Variants in RAPGEF6 observed in about 807,000 individuals in gnomAD.
RAPGEF6 encodes Rap guanine nucleotide exchange factor 6, also known as PDZ domain containing guanine nucleotide exchange factor (GEF) 2.
A neutral mutation model predicts 171.4 loss-of-function variants in RAPGEF6; 56 were observed. That is an observed-to-expected ratio of 0.33 (90% CI 0.26 to 0.41). RAPGEF6 has a LOEUF of 0.41. Among genes scored for constraint, RAPGEF6 ranks in the 10% least tolerant of loss-of-function variants. The pLI, the probability that RAPGEF6 is intolerant of heterozygous loss-of-function variation, is 1.00. For synonymous variants in RAPGEF6, 692 were observed against 650.1 expected, an observed-to-expected ratio of 1.06 and a Z score of -0.98; for missense variants, 1,674 against 1,921.4, an observed-to-expected ratio of 0.87 and a Z score of 2.41.
chr5:131,477,999 G>A (rs1369990796), intron 16 of RAPGEF6, among the ~76,000 whole-genome samples: 1 of 152,110 alleles, frequency 6.6e-6, no homozygotes, highest in Non-Finnish European at 1.5e-5. Flanking sequence ...CCCCATTTGT[G>A]AGACCATGCC....
intron 16 of RAPGEF6, among the ~76,000 whole-genome samples, chr5:131,476,154 T>C (rs1755075339): frequency 6.6e-6 from 1 of 152,268 alleles, no homozygotes. Context: ...GTAGAATTTA[T>C]TTAACCAATC....
At chr5:131,554,151 T>C (rs1485430791) in intron 5 of RAPGEF6, among the ~76,000 whole-genome samples, 2 of 152,194 alleles carry the variant, frequency 1.3e-5, no homozygotes, top group Non-Finnish European at 2.9e-5. Context: ...AAATAGAATG[T>C]ATTAATTGTG....
chr5:131,572,350 A>T lies in RAPGEF6; in HGVS notation c.282-10303T>A, dbSNP rs576166707. On this transcript the variant is annotated intron_variant, in intron 4 of 27. Coordinates refer to ENST00000509018, the MANE Select transcript of RAPGEF6 (RefSeq NM_016340.6). ...CGGGTAAGCGGTTTTTTCGCTCTCT[A>T]CCTAACCTCTCTCGCCTCCCTTCAA... Among the ~76,000 whole-genome samples the T allele has an allele frequency of 2.0e-5, 3 of 152,044 alleles. No individual in the cohort carries two copies. The South Asian group carries it at 6.3e-4, about 32-fold the overall frequency.
chr5:131,585,116 T>A (rs1763168673), intron 4 of RAPGEF6, among the ~76,000 whole-genome samples: 1 of 152,202 alleles, frequency 6.6e-6, no homozygotes, highest in South Asian at 2.1e-4. Context: ...CATATGTGGA[T>A]ATTTGATTTA....
intron 1 of RAPGEF6, 72 bp downstream of exon 1, chr5:131,634,890 G>A: frequency 6.4e-7 from 1 of 1,557,322 alleles, no homozygotes; most frequent in Non-Finnish European, 8.9e-7. Flanking sequence ...GGCAGTCGCC[G>A]CGGATTTCGG....
rs751703801 is a variant in RAPGEF6 at position 131,504,675 on chromosome 5, T to C, written c.1205A>G (p.His402Arg). The change falls in exon 11 of 28, where the codon CAT becomes CGT. Residue 402 changes from histidine (H) to arginine (R), a missense_variant. By Grantham distance (29) the His-to-Arg change is conservative. This residue lies in a region of RAPGEF6 where 1,116 missense variants were observed against 1,321.5 expected (regional missense o/e 0.84). Coordinates refer to ENST00000509018, the MANE Select transcript of RAPGEF6 (RefSeq NM_016340.6). ...GGTTCCACTCCGGTCTAGTTCCCGA[T>C]GCTCATGTACCATAACAATTTCTCC... is the stretch of plus-strand genomic sequence containing the variant. ...EEGEIVMVHE[H>R]RELDRSGTRK... The C allele has an allele frequency of 6.2e-7, 1 of 1,613,672 alleles. No individual in the cohort carries two copies. Among genetic ancestry groups the C allele is most frequent in the Non-Finnish European group, 8.5e-7 (1 of 1,179,902 alleles).
At chr5:131,603,420 T>G (rs558656826) in intron 2 of RAPGEF6, 93 bp from the exon 3 acceptor site, 20 of 815,634 alleles carry the variant, frequency 2.5e-5, no homozygotes, top group East Asian at 2.2e-4. Context: ...TCTAATTGAT[T>G]GTTAGAAAAT....
chr5:131,523,279 C>CTTTTTTTTTTTTT lies in RAPGEF6; in HGVS notation c.496-1771_496-1759dup, dbSNP rs1171953953. ...GGCCACATACAGTTTCTGTTGTATG[C>CTTTTTTTTTTTTT]TTTTTTTTTTTTTTTTTTTTTTTTT... On this transcript the variant is annotated intron_variant, in intron 6 of 27. Transcript: ENST00000509018. Among the ~76,000 whole-genome samples, 35 of 66,654 alleles carry CTTTTTTTTTTTTT rather than the reference C, an allele frequency of 5.3e-4. 3 individuals carry two copies. Among genetic ancestry groups the CTTTTTTTTTTTTT allele is most frequent in the African/African-American group, 1.2e-3 (17 of 14,248 alleles). The allele number at this position is 66,654 out of a possible 152,430, so 43.7% of individuals were successfully genotyped here. A position where few individuals can be genotyped will look rare whatever the true frequency, so the allele number is the denominator to read the frequency against.
At position 131,427,242 on chromosome 5, in the gene RAPGEF6, G is replaced by A. The variant is rs757296647; in HGVS notation, c.*24C>T. ...GCCCATTCCTCCACGACTTTCAGTGGTTTTCAAATAGGTCATCCAAAGGCT... is the reference window on the plus strand; with the variant it reads ...GCCCATTCCTCCACGACTTTCAGTGATTTTCAAATAGGTCATCCAAAGGCT... On this transcript the variant is annotated 3_prime_UTR_variant, in exon 28 of 28. Coordinates refer to ENST00000509018, the MANE Select transcript of RAPGEF6 (RefSeq NM_016340.6). 4 of 1,603,892 alleles carry A rather than the reference G, an allele frequency of 2.5e-6. No individual in the cohort carries two copies. The highest frequency in any genetic ancestry group is 2.2e-5 in the East Asian group (1 of 44,822).
rs1763860664 is a variant in RAPGEF6 at position 131,595,803 on chromosome 5, C to T, written c.198-3337G>A. 2.6e-5 allele frequency among the ~76,000 whole-genome samples: 4 copies of T among 151,722 alleles called. 1 individual carries two copies. The South Asian group carries it at 8.3e-4, about 32-fold the overall frequency. ...GAATGGCTGAATGGATAATAAAACCCAAATGTATGCTGCGTATAACAGACT... is the reference window on the plus strand; with the variant it reads ...GAATGGCTGAATGGATAATAAAACCTAAATGTATGCTGCGTATAACAGACT... On this transcript the variant is annotated intron_variant, in intron 3 of 27. Transcript: ENST00000509018.
At chr5:131,611,289 G>A (rs35039161) in intron 1 of RAPGEF6, among the ~76,000 whole-genome samples, 1,777 of 152,234 alleles carry the variant, frequency 0.012, 19 homozygotes, top group Non-Finnish European at 0.018. Flanking sequence ...AGACTAACAC[G>A]AACACTTTGT....
intron 3 of RAPGEF6, among the ~76,000 whole-genome samples, chr5:131,597,211 C>T (rs1237594512): frequency 2.6e-5 from 4 of 151,416 alleles, no homozygotes; most frequent in South Asian, 2.1e-4. Flanking sequence ...ATCAAAAAGA[C>T]GAAAACAAGT....
chr5:131,527,405 T>C (rs1758949242), intron 6 of RAPGEF6, among the ~76,000 whole-genome samples: 1 of 152,106 alleles, frequency 6.6e-6, no homozygotes, highest in Non-Finnish European at 1.5e-5. Context: ...AAAACAAGTA[T>C]GATAATACAA....
intron 12 of RAPGEF6, among the ~76,000 whole-genome samples, chr5:131,497,593 T>C (rs534904768): frequency 1.3e-4 from 20 of 152,348 alleles, no homozygotes; most frequent in Admixed American, 6.5e-4. Context: ...CTAAATCATA[T>C]TCTTGTTCAT....
intron 1 of RAPGEF6, among the ~76,000 whole-genome samples, chr5:131,625,150 T>A (rs775451721): frequency 2.6e-5 from 4 of 152,120 alleles, no homozygotes; most frequent in Admixed American, 6.5e-5. Flanking sequence ...TAATCCCAGC[T>A]ACTTGGGATG....
chr5:131,502,533 T>C (rs1255195668), intron 11 of RAPGEF6, among the ~76,000 whole-genome samples: 1 of 152,228 alleles, frequency 6.6e-6, no homozygotes, highest in Non-Finnish European at 1.5e-5. Context: ...TGTGAACTCC[T>C]GCCAGGAAAG....
chr5:131,529,104 TGAAA>T lies in RAPGEF6; in HGVS notation c.496-7587_496-7584del, dbSNP rs542323656. Among the ~76,000 whole-genome samples, 6 of 149,006 alleles carry T rather than the reference TGAAA, an allele frequency of 4.0e-5. No homozygotes were observed. The East Asian group carries it at 1.2e-3, about 29-fold the overall frequency. On this transcript the variant is annotated intron_variant, in intron 6 of 27. Coordinates refer to ENST00000509018, the MANE Select transcript of RAPGEF6 (RefSeq NM_016340.6). Reference sequence around the variant, plus strand: ...CTAAGAACCACTTAAGTCAACCTCCTGAAAGAAACCCAAAAAACTCAATTTGATT... The same window carrying T: ...CTAAGAACCACTTAAGTCAACCTCCTGAAACCCAAAAAACTCAATTTGATT...
chr5:131,446,059 C>T (rs981368478), intron 22 of RAPGEF6, among the ~76,000 whole-genome samples: 42 of 151,686 alleles, frequency 2.8e-4, no homozygotes, highest in African/African-American at 1.0e-3. Context: ...TTTTGTTTTA[C>T]CTTACTACTG....
At chr5:131,500,818 A>T (rs559906862) in intron 11 of RAPGEF6, among the ~76,000 whole-genome samples, 1 of 152,322 alleles carries the variant, frequency 6.6e-6, no homozygotes, top group Non-Finnish European at 1.5e-5. Flanking sequence ...ATCTAAGTAT[A>T]TATTAGTATC....
Sources: allele counts gnomAD v4.1 joint callset (sites outside exome capture counted in the v4.1 genomes callset), GRCh38; gene constraint gnomAD v4.1.1; regional missense constraint gnomAD v4.1.1; transcripts MANE v1.5; gene names NCBI Gene and HGNC (gene_info 2026-07-23, HGNC 2026-07-21).